EIF2D: variants seen among roughly 807,000 people sequenced by gnomAD.
EIF2D encodes the protein hepatocellular carcinoma-associated antigen 56.
Under a neutral mutation model 77.4 loss-of-function variants are expected in EIF2D, and 56 were observed. The observed-to-expected ratio is 0.72, with a 90% CI of 0.58 to 0.90. The LOEUF (loss-of-function observed/expected upper bound fraction) is 0.90, where lower values mean the gene tolerates loss of function less well. Ranked by LOEUF, EIF2D falls within the 40% of genes least tolerant of loss-of-function variation. EIF2D has a pLI of 0.00. For synonymous variants in EIF2D, 230 were observed against 271.0 expected, an observed-to-expected ratio of 0.85 and a Z score of 1.49; for missense variants, 574 against 706.5, an observed-to-expected ratio of 0.81 and a Z score of 2.13.
At chr1:206,586,994 C>T (rs2103575626), downstream of EIF2D, 1 of 1,613,950 alleles carries the variant, frequency 6.2e-7, no homozygotes, top group Non-Finnish European at 8.5e-7. Flanking sequence ...CCTGCTTCCT[C>T]TCCTCCTGGT....
At position 206,605,413 on chromosome 1, in the gene EIF2D, G is replaced by C; in HGVS notation, c.517C>G (p.Gln173Glu). 6.2e-7 allele frequency: 1 copy of C among 1,613,932 alleles called. No individual in the cohort carries two copies. The highest frequency in any genetic ancestry group is 1.1e-5 in the South Asian group (1 of 91,060). The change falls in exon 5 of 15, where the codon CAG (glutamine) becomes GAG (glutamate). Residue 173 changes from glutamine (Q) to glutamate (E), a missense_variant. Gln to Glu is a conservative substitution (Grantham distance 29). Transcript: ENST00000271764. ...CTCTGTACCCACCACAAGTGGTCCTGGTAAGTGTGGAGCACAGAGAAGCCC... is the reference window on the plus strand; with the variant it reads ...CTCTGTACCCACCACAAGTGGTCCTCGTAAGTGTGGAGCACAGAGAAGCCC... ...GRGFSVLHTY[Q>E]DHLWRSGNKS...
chr1:206,573,059 TG>T (rs1426544943), intron 4 of EIF2D, among the ~76,000 whole-genome samples: 1 of 152,254 alleles, frequency 6.6e-6, no homozygotes. Context: ...ATTTGGATGA[TG>T]ACGCACTAGC....
chr1:206,602,055 G>T, intron 7 of EIF2D: 1 of 361,612 alleles, frequency 2.8e-6, no homozygotes, highest in Non-Finnish European at 5.1e-6. Context: ...GAACCCCCAC[G>T]GCAGAGGCAG....
intron 11 of EIF2D, 136 bp from the exon 12 acceptor site, chr1:206,597,331 G>C: frequency 3.2e-6 from 2 of 625,438 alleles, no homozygotes; most frequent in Non-Finnish European, 5.6e-6. Context: ...CAGTCCAAAA[G>C]GCAATGTACC....
chr1:206,584,438 C>T lies in EIF2D; in HGVS notation c.139-3276G>A, dbSNP rs1553407065. On this transcript the variant is annotated intron_variant and NMD_transcript_variant, in intron 2 of 5. Transcript: ENST00000472709. This position sits in a 1 kb window ranked among gnomAD's most constrained non-coding sequence, Gnocchi z 4.9. ...CATCAAAGTGCATCTGAAACTCCGG[C>T]GGCCTGTGACGGTGCCTGCTGGGAT... is the stretch of plus-strand genomic sequence containing the variant. 1.1e-5 allele frequency: 18 copies of T among 1,613,944 alleles called. No individual in the cohort carries two copies. Among genetic ancestry groups the T allele is most frequent in the East Asian group, 4.5e-5 (2 of 44,888 alleles).
intron 4 of EIF2D, among the ~76,000 whole-genome samples, chr1:206,606,352 AAAG>A (rs776708403): frequency 4.6e-5 from 7 of 152,186 alleles, no homozygotes; most frequent in East Asian, 1.9e-4. Flanking sequence ...CCAGTTCTTA[AAAG>A]AAGGTTTTTC....
chr1:206,585,996 C>T (rs1174849386), intron 2 of EIF2D: 2 of 152,284 alleles, frequency 1.3e-5, no homozygotes, highest in Non-Finnish European at 2.9e-5. Flanking sequence ...AAAAAGTACT[C>T]CATGGACAGT....
chr1:206,584,885 G>A lies in EIF2D; in HGVS notation c.139-3723C>T, dbSNP rs1042235344. 6 of 614,720 alleles carry A rather than the reference G, an allele frequency of 9.8e-6. No individual in the cohort carries two copies. Among genetic ancestry groups the A allele is most frequent in the Non-Finnish European group, 1.7e-5 (6 of 351,146 alleles). 38.1% of individuals were successfully genotyped at this position (614,720 alleles called of 1,614,324 possible). On this transcript the variant is annotated intron_variant and NMD_transcript_variant, in intron 2 of 5. Transcript: ENST00000472709. The surrounding 1 kb of genome is among the most constrained non-coding windows in gnomAD (Gnocchi z 4.9). ...GTCCCTGACTCTGCATGTGACTTCA[G>A]GAAAACCACACCCTAGGCTCCCATT...
At chr1:206,577,200 G>A (rs558805053) in intron 4 of EIF2D, among the ~76,000 whole-genome samples, 3 of 152,252 alleles carry the variant, frequency 2.0e-5, no homozygotes, top group Admixed American at 2.0e-4. Flanking sequence ...AACAGACTGC[G>A]TGGCCTGCAA....
intron 13 of EIF2D, 125 bp from the exon 14 acceptor site, chr1:206,593,918 C>A (rs942585498): frequency 1.4e-5 from 11 of 774,248 alleles, no homozygotes; most frequent in Non-Finnish European, 2.1e-5. Context: ...ATTCCTATAA[C>A]CCTAGTACTT....
chr1:206,590,218 A>G (rs547767807), downstream of EIF2D, among the ~76,000 whole-genome samples: 1 of 152,216 alleles, frequency 6.6e-6, no homozygotes, highest in South Asian at 2.1e-4. Context: ...TGGAAAAACC[A>G]CTCAATGCAC....
chr1:206,605,292 T>A, intron 5 of EIF2D, 108 bp downstream of exon 5: 2 of 667,354 alleles, frequency 3.0e-6, no homozygotes. Context: ...GCTTAGCAAC[T>A]TGCTTAAAGA....
chr1:206,605,459 G>T lies in EIF2D; in HGVS notation c.471C>A (p.Leu157=). The T allele has an allele frequency of 6.2e-7, 1 of 1,614,138 alleles. No individual in the cohort carries two copies. ...GVAAMSTAEM[L]TSGLKGRGFS... ...AGCCCCTTCCCTTCAGGCCTGACGT[G>T]AGCATCTCAGCTGTGGACATGGCTG... Residue 157 remains leucine, a synonymous_variant, in exon 5 of 15, where the codon CTC becomes CTA. Coordinates refer to ENST00000271764, the MANE Select transcript of EIF2D (RefSeq NM_006893.3).
intron 11 of EIF2D, among the ~76,000 whole-genome samples, chr1:206,597,736 G>A (rs1312402489): frequency 6.6e-6 from 1 of 152,006 alleles, no homozygotes; most frequent in Non-Finnish European, 1.5e-5. Context: ...CTTGAGGTCA[G>A]GAGTTCAAGA....
chr1:206,582,852 C>G (rs540921884), intron 2 of EIF2D, among the ~76,000 whole-genome samples: 1 of 152,162 alleles, frequency 6.6e-6, no homozygotes, highest in South Asian at 2.1e-4. Flanking sequence ...GGAGACAGAC[C>G]ATGGCTTGTA....
At chr1:206,583,505 A>AGACCCCG in intron 2 of EIF2D, 1 of 694,216 alleles carries the variant, frequency 1.4e-6, no homozygotes, top group Non-Finnish European at 2.6e-6. Context: ...TCCGGCCTCC[A>AGACCCCG]GAGGCCTCCG....
At chr1:206,586,765 G>A (rs1669132877), downstream of EIF2D, 1 of 1,363,870 alleles carries the variant, frequency 7.3e-7, no homozygotes, top group South Asian at 1.2e-5. Context: ...CTCAGGTCGT[G>A]TCAACTTCTA....
intron 2 of EIF2D, chr1:206,583,766 T>G: frequency 4.7e-6 from 1 of 212,510 alleles, no homozygotes; most frequent in Non-Finnish European, 9.7e-6. Flanking sequence ...AGGGACATAC[T>G]CTCTCAGAGA....
intron 2 of EIF2D, chr1:206,583,164 G>A: frequency 2.7e-6 from 2 of 749,954 alleles, no homozygotes; most frequent in Non-Finnish European, 2.4e-6. Flanking sequence ...CTGCAGGGCT[G>A]GATGCTCACT....
Sources: gnomAD v4.1 joint callset for allele counts (sites outside exome capture counted in the v4.1 genomes callset) on GRCh38, gnomAD v4.1.1 for gene constraint, Gnocchi (gnomAD v3.1) non-coding constraint, MANE v1.5 for transcripts, NCBI Gene and HGNC (gene_info 2026-07-23, HGNC 2026-07-21) for gene names.